Variants in HMCN1 observed in about 807,000 individuals in gnomAD.
The protein encoded by HMCN1 is hemicentin 1, also known as hemicentin-1.
HMCN1 carries 321 observed loss-of-function variants against 625.9 expected under a neutral mutation model. The observed-to-expected ratio is 0.51, with a 90% CI of 0.47 to 0.56. The LOEUF (loss-of-function observed/expected upper bound fraction) is 0.56, where lower values mean the gene tolerates loss of function less well. HMCN1 is among the 20% of genes least tolerant of loss of function. The pLI is 0.00. For missense variants in HMCN1, 6,588 were observed against 6,887.3 expected (o/e 0.96, Z 1.54); for synonymous variants, 2,425 against 2,417.6 (o/e 1.00, Z -0.09).
intron 81 of HMCN1, among the ~76,000 whole-genome samples, chr1:186,124,892 T>C (rs1661571053): frequency 1.3e-5 from 2 of 152,072 alleles, no homozygotes; most frequent in Non-Finnish European, 2.9e-5. Flanking sequence ...TCTTTAGAAG[T>C]AACTATCTTA....
At chr1:185,987,330 T>G (rs889942423) in intron 19 of HMCN1, 102 bp from the exon 20 acceptor site, 9 of 793,034 alleles carry the variant, frequency 1.1e-5, no homozygotes, top group Non-Finnish European at 1.8e-5. Context: ...AATTGCTCAT[T>G]TTTACAAACA....
intron 57 of HMCN1, among the ~76,000 whole-genome samples, chr1:186,083,695 T>C (rs1294318149): frequency 6.6e-6 from 1 of 152,118 alleles, no homozygotes; most frequent in Non-Finnish European, 1.5e-5. Flanking sequence ...TCATGAAAAA[T>C]TTCTGCCTTC....
intron 4 of HMCN1, among the ~76,000 whole-genome samples, chr1:185,887,012 C>A (rs372992300): frequency 2.6e-5 from 4 of 152,218 alleles, no homozygotes; most frequent in Middle Eastern, 3.4e-3. Context: ...ATGCTGGGTA[C>A]TTTGCTGCCT....
chr1:186,166,338 G>C (rs1048513314), intron 99 of HMCN1, 35 bp downstream of exon 99: 7 of 1,613,058 alleles, frequency 4.3e-6, no homozygotes, highest in Admixed American at 1.7e-5. Flanking sequence ...TTTAAGCAAT[G>C]GGTCAAGGAT....
intron 86 of HMCN1, among the ~76,000 whole-genome samples, chr1:186,133,065 A>C (rs1191836049): frequency 1.3e-5 from 2 of 152,142 alleles, no homozygotes; most frequent in Non-Finnish European, 2.9e-5. Context: ...GGTTGGTTCC[A>C]AGTTTTGAAT....
At chr1:185,774,326 G>T (rs927849452) in intron 1 of HMCN1, among the ~76,000 whole-genome samples, 11 of 151,868 alleles carry the variant, frequency 7.2e-5, no homozygotes, top group Non-Finnish European at 1.0e-4. Flanking sequence ...CTTAAGAAGG[G>T]TATAACTTTG....
chr1:185,751,437 T>G (rs1306144876), intron 1 of HMCN1, among the ~76,000 whole-genome samples: 1 of 152,142 alleles, frequency 6.6e-6, no homozygotes, highest in African/African-American at 2.4e-5. Context: ...TTTAAAATTA[T>G]CTCTGTCTTC....
intron 36 of HMCN1, among the ~76,000 whole-genome samples, chr1:186,026,742 T>C (rs1309312606): frequency 6.6e-6 from 1 of 152,064 alleles, no homozygotes; most frequent in African/African-American, 2.4e-5. Flanking sequence ...TCAGGTGATC[T>C]TCCCACCTCA....
intron 69 of HMCN1, among the ~76,000 whole-genome samples, chr1:186,105,869 G>A (rs182036346): frequency 4.6e-5 from 7 of 152,294 alleles, no homozygotes; most frequent in Admixed American, 4.6e-4. Flanking sequence ...AGTTGGGAGA[G>A]AAGAGTTAGT....
intron 75 of HMCN1, among the ~76,000 whole-genome samples, chr1:186,116,383 A>AAT (rs1191366895): frequency 1.3e-4 from 19 of 151,002 alleles, no homozygotes; most frequent in African/African-American, 4.6e-4. Context: ...TTTAGTTTTG[A>AAT]ATATATATAC....
chr1:185,774,190 T>C (rs1471712756), intron 1 of HMCN1, among the ~76,000 whole-genome samples: 1 of 151,720 alleles, frequency 6.6e-6, no homozygotes, highest in African/African-American at 2.4e-5. Flanking sequence ...CTTGGGGGAG[T>C]TGAACATATA....
At chr1:186,063,450 GA>G (rs1657891597) in intron 48 of HMCN1, among the ~76,000 whole-genome samples, 1 of 2,084 alleles carries the variant, frequency 4.8e-4, no homozygotes, top group African/African-American at 2.0e-3. Flanking sequence ...GACGGAGAGA[GA>G]AGGAAGGAAG....
intron 11 of HMCN1, among the ~76,000 whole-genome samples, chr1:185,953,874 G>T (rs1275244123): frequency 6.6e-6 from 1 of 151,270 alleles, no homozygotes; most frequent in African/African-American, 2.4e-5. Flanking sequence ...TCAGCAAAGG[G>T]AGATAGGGGT....
chr1:186,052,467 T>G (rs989262762), intron 42 of HMCN1, among the ~76,000 whole-genome samples: 1 of 152,092 alleles, frequency 6.6e-6, no homozygotes, highest in Non-Finnish European at 1.5e-5. Context: ...ATCTGAAATA[T>G]GCAGTATGTC....
chr1:186,109,954 G>C (rs757341840), intron 71 of HMCN1, among the ~76,000 whole-genome samples: 4 of 152,186 alleles, frequency 2.6e-5, no homozygotes, highest in Non-Finnish European at 5.9e-5. Flanking sequence ...GGTAAAAACT[G>C]AGTGAATGTT....
intron 60 of HMCN1, 41 bp downstream of exon 60, chr1:186,087,686 TG>T (rs1193718536): frequency 8.3e-6 from 13 of 1,569,818 alleles, no homozygotes; most frequent in Non-Finnish European, 1.1e-5. Context: ...GACACCTTGG[TG>T]GGGTGGTGGA....
At chr1:186,072,324 TG>T (rs1475599555) in intron 52 of HMCN1, among the ~76,000 whole-genome samples, 1 of 152,218 alleles carries the variant, frequency 6.6e-6, no homozygotes, top group African/African-American at 2.4e-5. Context: ...ATTCATACCC[TG>T]AAGTTTTTCT....
intron 5 of HMCN1, among the ~76,000 whole-genome samples, chr1:185,910,128 C>T (rs1332629411): frequency 6.6e-6 from 1 of 152,024 alleles, no homozygotes; most frequent in East Asian, 1.9e-4. Context: ...TTAACATTTT[C>T]ATTTAGAAAT....
chr1:186,065,757 CT>C (rs1026717962), intron 49 of HMCN1, among the ~76,000 whole-genome samples: 7 of 151,652 alleles, frequency 4.6e-5, no homozygotes, highest in African/African-American at 2.4e-5. Context: ...ATATTCTATC[CT>C]TTTTTTTGTG....
Sources: gnomAD v4.1 joint callset for allele counts (sites outside exome capture counted in the v4.1 genomes callset) on GRCh38, gnomAD v4.1.1 for gene constraint, MANE v1.5 for transcripts, NCBI Gene and HGNC (gene_info 2026-07-23, HGNC 2026-07-21) for gene names.